Variants in NKAIN2 observed in about 807,000 individuals in gnomAD.
NKAIN2 encodes sodium/potassium-transporting ATPase subunit beta-1-interacting protein 2.
In NKAIN2, 14 loss-of-function variants were observed where a neutral mutation model predicts 32.6. The ratio of observed to expected loss-of-function variants is 0.43; its 90% CI spans 0.28 to 0.67. The LOEUF (loss-of-function observed/expected upper bound fraction) is 0.67, where lower values mean the gene tolerates loss of function less well. Among genes scored for constraint, NKAIN2 ranks in the 30% least tolerant of loss-of-function variants. NKAIN2 has a pLI of 0.17. For missense variants in NKAIN2, 198 were observed against 258.3 expected (o/e 0.77, Z 1.60); for synonymous variants, 80 against 87.2 (o/e 0.92, Z 0.46).
At chr6:124,547,876 T>C (rs560413361) in intron 3 of NKAIN2, among the ~76,000 whole-genome samples, 1 of 152,272 alleles carries the variant, frequency 6.6e-6, no homozygotes, top group South Asian at 2.1e-4. Flanking sequence ...TTGCTTCTTA[T>C]TCCTCTTCCC....
chr6:124,644,951 A>C (rs1289809532), intron 3 of NKAIN2, among the ~76,000 whole-genome samples: 2 of 152,228 alleles, frequency 1.3e-5, no homozygotes, highest in Non-Finnish European at 2.9e-5. Context: ...GCACATACAC[A>C]CAGAGACTTC....
At position 124,009,455 on chromosome 6, in the gene NKAIN2, C is replaced by T. The variant is rs1780222306; in HGVS notation, c.54+205201C>T. 2.6e-5 allele frequency among the ~76,000 whole-genome samples: 4 copies of T among 152,156 alleles called. No individual in the cohort carries two copies. The South Asian group carries it at 8.3e-4, about 32-fold the overall frequency. ...TGCCCTACCAAGTATTTAGCATTCC[C>T]TTCACAAATACGTGAAAATAATGCT... is the stretch of plus-strand genomic sequence containing the variant. On this transcript the variant is annotated intron_variant, in intron 1 of 6. Coordinates refer to ENST00000368417, the MANE Select transcript of NKAIN2 (RefSeq NM_001040214.3).
chr6:124,090,299 G>T (rs555062909), intron 1 of NKAIN2, among the ~76,000 whole-genome samples: 1 of 152,060 alleles, frequency 6.6e-6, no homozygotes, highest in African/African-American at 2.4e-5. Flanking sequence ...GACAGAAAAA[G>T]AAGTCAGATT....
intron 1 of NKAIN2, among the ~76,000 whole-genome samples, chr6:123,883,735 G>A (rs1305359027): frequency 2.7e-5 from 4 of 148,078 alleles, no homozygotes; most frequent in African/African-American, 7.4e-5. Flanking sequence ...TTAAAAAAAT[G>A]TACCTCTTTT....
chr6:124,210,943 C>T (rs1791142955), intron 1 of NKAIN2, among the ~76,000 whole-genome samples: 1 of 150,294 alleles, frequency 6.7e-6, no homozygotes. Context: ...TACTTATCTT[C>T]TCTAATTGCC....
At chr6:124,424,662 T>C (rs1774904780) in intron 3 of NKAIN2, among the ~76,000 whole-genome samples, 1 of 152,200 alleles carries the variant, frequency 6.6e-6, no homozygotes, top group South Asian at 2.1e-4. Flanking sequence ...TTAAGTGAGA[T>C]CATGCAATGT....
chr6:123,922,187 C>T (rs1473602739), intron 1 of NKAIN2, among the ~76,000 whole-genome samples: 1 of 152,112 alleles, frequency 6.6e-6, no homozygotes, highest in East Asian at 1.9e-4. Context: ...GGTTGATAGG[C>T]AACTTATTTA....
At chr6:124,277,461 CTG>C (rs144605560) in intron 1 of NKAIN2, among the ~76,000 whole-genome samples, 1 of 146,666 alleles carries the variant, frequency 6.8e-6, no homozygotes, top group Non-Finnish European at 1.5e-5. Context: ...GTGTGTGTAT[CTG>C]TGTGTGTGTG....
intron 1 of NKAIN2, among the ~76,000 whole-genome samples, chr6:124,229,840 G>T (rs1006579743): frequency 2.6e-5 from 4 of 152,094 alleles, no homozygotes; most frequent in Non-Finnish European, 5.9e-5. Context: ...TGTTAAGTCT[G>T]TTAAATCTCT....
chr6:123,966,973 A>G (rs1202804463), intron 1 of NKAIN2, among the ~76,000 whole-genome samples: 1 of 152,190 alleles, frequency 6.6e-6, no homozygotes, highest in Non-Finnish European at 1.5e-5. Flanking sequence ...CATTATAAAA[A>G]TCTCCCGAGT....
At chr6:124,124,485 C>T (rs749151767) in intron 1 of NKAIN2, among the ~76,000 whole-genome samples, 1 of 152,058 alleles carries the variant, frequency 6.6e-6, no homozygotes. Flanking sequence ...AATATAGCTA[C>T]TTCTTTTTTC....
At position 124,510,214 on chromosome 6, in the gene NKAIN2, A is replaced by G. The variant is rs1364040809; in HGVS notation, c.274-147972A>G. ...TGGATTTCATAGAACCTTAGAGACC[A>G]AGTCTAAACACTCTTATTTTTAAAA... On this transcript the variant is annotated intron_variant, in intron 3 of 6. Transcript: ENST00000368417. Among the ~76,000 whole-genome samples, 3 of 152,126 alleles carry G rather than the reference A, an allele frequency of 2.0e-5. No homozygotes were observed. The East Asian group carries it at 5.8e-4, about 29-fold the overall frequency.
At chr6:124,157,811 T>C (rs1471894204) in intron 1 of NKAIN2, among the ~76,000 whole-genome samples, 3 of 152,222 alleles carry the variant, frequency 2.0e-5, no homozygotes, top group Non-Finnish European at 2.9e-5. Context: ...GGAGGATTGT[T>C]TCTTTTTTTA....
Position 123,900,458 on chromosome 6 carries a change from C to A in NKAIN2, c.54+96204C>A, listed in dbSNP as rs553283824. Among the ~76,000 whole-genome samples, 66 of 144,874 alleles carry A rather than the reference C, an allele frequency of 4.6e-4. No individual in the cohort carries two copies. In the Admixed American group the frequency reaches 4.7e-3, roughly 10 times the overall value. On this transcript the variant is annotated intron_variant, in intron 1 of 6. Coordinates refer to ENST00000368417, the MANE Select transcript of NKAIN2 (RefSeq NM_001040214.3). Reference sequence around the variant, plus strand: ...ACTCTACTCCAGCCTGGTGACAGAGCGAGACTCTGTCTCAAAAAATAATAA... The same window carrying A: ...ACTCTACTCCAGCCTGGTGACAGAGAGAGACTCTGTCTCAAAAAATAATAA...
intron 1 of NKAIN2, among the ~76,000 whole-genome samples, chr6:123,915,451 AC>A (rs1455278555): frequency 2.6e-5 from 4 of 152,116 alleles, no homozygotes; most frequent in African/African-American, 9.7e-5. Flanking sequence ...GCAGGACACC[AC>A]ATAGTACTTT....
At chr6:124,787,345 G>C (rs1324641840) in intron 4 of NKAIN2, among the ~76,000 whole-genome samples, 1 of 152,044 alleles carries the variant, frequency 6.6e-6, no homozygotes, top group Non-Finnish European at 1.5e-5. Flanking sequence ...AAATTAAAAA[G>C]AAGACCCGGG....
At chr6:124,088,274 T>G (rs888304172) in intron 1 of NKAIN2, among the ~76,000 whole-genome samples, 8 of 151,800 alleles carry the variant, frequency 5.3e-5, no homozygotes, top group Admixed American at 2.0e-4. Context: ...ATAATAAAAT[T>G]AGCCAGATGT....
chr6:124,443,151 C>T (rs1775758960), intron 3 of NKAIN2, among the ~76,000 whole-genome samples: 1 of 152,100 alleles, frequency 6.6e-6, no homozygotes, highest in Admixed American at 6.6e-5. Flanking sequence ...TAGACCCCTA[C>T]ACGCTTCACT....
At chr6:124,617,679 A>G (rs1782959532) in intron 3 of NKAIN2, among the ~76,000 whole-genome samples, 1 of 152,194 alleles carries the variant, frequency 6.6e-6, no homozygotes, top group African/African-American at 2.4e-5. Flanking sequence ...TGAATGGACA[A>G]ATACACTGCT....
Sources: gnomAD v4.1 joint callset for allele counts (sites outside exome capture counted in the v4.1 genomes callset) on GRCh38, gnomAD v4.1.1 for gene constraint, MANE v1.5 for transcripts, NCBI Gene and HGNC (gene_info 2026-07-23, HGNC 2026-07-21) for gene names.